KLHL7: variants seen among roughly 807,000 people sequenced by gnomAD.
KLHL7 encodes the protein kelch like family member 7, also known as kelch-like protein 7.
KLHL7 carries 44 observed loss-of-function variants against 67.4 expected under a neutral mutation model. The ratio of observed to expected loss-of-function variants is 0.65; its 90% CI spans 0.51 to 0.84. The LOEUF is 0.84. Ranked by LOEUF, KLHL7 falls within the 40% of genes least tolerant of loss-of-function variation. KLHL7 has a pLI of 0.00. For synonymous variants in KLHL7, 252 were observed against 243.3 expected (o/e 1.04, Z -0.33); for missense variants, 362 against 718.1 (o/e 0.50, Z 5.67).
At chr7:23,138,369 G>A (rs941744582) in intron 4 of KLHL7, among the ~76,000 whole-genome samples, 2 of 149,678 alleles carry the variant, frequency 1.3e-5, no homozygotes, top group African/African-American at 4.9e-5. Context: ...GGCTGAGGTA[G>A]GGAATTACTT....
At chr7:23,151,593 A>C (rs1784538759) in intron 6 of KLHL7, among the ~76,000 whole-genome samples, 1 of 152,220 alleles carries the variant, frequency 6.6e-6, no homozygotes, top group Non-Finnish European at 1.5e-5. Context: ...TCTTTGAACC[A>C]CATTTTAAGT....
chr7:23,144,239 A>C (rs1444466410), intron 6 of KLHL7, among the ~76,000 whole-genome samples: 1 of 152,238 alleles, frequency 6.6e-6, no homozygotes, highest in African/African-American at 2.4e-5. Context: ...TAGAAGGTAC[A>C]AATTACTTAT....
chr7:23,147,094 C>CTTTTTTTTTTTTTTTTTTTTTTTTT lies in KLHL7; in HGVS notation c.793+3087_793+3088insTTTTTTTTTTTTTTTTTTTTTTTTT, dbSNP rs397889904. On this transcript the variant is annotated intron_variant, in intron 6 of 10. Coordinates refer to ENST00000339077, the MANE Select transcript of KLHL7 (RefSeq NM_001031710.3). ...TCTATGTATTACTTATTAACCTGGA[C>CTTTTTTTTTTTTTTTTTTTTTTTTT]TTTTTTTTTTTTTTTTTTAGACAGT... is the stretch of plus-strand genomic sequence containing the variant. 1.7e-5 allele frequency among the ~76,000 whole-genome samples: 2 copies of CTTTTTTTTTTTTTTTTTTTTTTTTT among 118,580 alleles called. 1 individual carries two copies. Among genetic ancestry groups the CTTTTTTTTTTTTTTTTTTTTTTTTT allele is most frequent in the Non-Finnish European group, 3.7e-5 (2 of 54,558 alleles). 77.8% of individuals were successfully genotyped at this position (118,580 alleles called of 152,430 possible). A position where few individuals can be genotyped will look rare whatever the true frequency, so the allele number is the denominator to read the frequency against.
At chr7:23,106,339 G>A in intron 1 of KLHL7, 193 bp downstream of exon 1, 1 of 1,435,930 alleles carries the variant, frequency 7.0e-7, no homozygotes, top group Non-Finnish European at 9.1e-7. Context: ...GAGCAAAAGT[G>A]CTTCTCGTCT....
chr7:23,126,187 A>G, intron 4 of KLHL7: 1 of 359,086 alleles, frequency 2.8e-6, no homozygotes, highest in Non-Finnish European at 5.3e-6. Flanking sequence ...TAGGTTATAC[A>G]GCATGGATAT....
chr7:23,177,854 G>C lies in KLHL7; in HGVS notation c.*3556G>C, dbSNP rs1319148765. 6.6e-6 allele frequency: 1 copy of C among 152,040 alleles called. No individual in the cohort carries two copies. The highest frequency in any genetic ancestry group is 1.5e-5 in the Non-Finnish European group (1 of 68,002). The allele number at this position is 152,040 out of a possible 1,614,324, so 9.4% of individuals were successfully genotyped here. On this transcript the variant is annotated 3_prime_UTR_variant, in exon 11 of 11. Transcript: ENST00000339077. ...AAAATTTTAAGTCATGAATTATTTT[G>C]ACATGACAATATTGCTAACAAAATC...
intron 7 of KLHL7, among the ~76,000 whole-genome samples, chr7:23,162,819 C>T (rs1308486018): frequency 6.6e-6 from 1 of 152,106 alleles, no homozygotes; most frequent in Non-Finnish European, 1.5e-5. Context: ...GTAATTTAGT[C>T]ATCTTAAACT....
Position 23,168,042 on chromosome 7 carries a change from G to A in KLHL7, c.1379+5G>A. ...TTATGATCCTGCCACAGAAACGTATGTATCTATTTAAAATTTATTTTACAG... is the reference window on the plus strand; with the variant it reads ...TTATGATCCTGCCACAGAAACGTATATATCTATTTAAAATTTATTTTACAG... On this transcript the variant is annotated splice_donor_5th_base_variant and intron_variant, in intron 9 of 10. Transcript: ENST00000339077. The A allele has an allele frequency of 6.2e-7, 1 of 1,611,766 alleles. No homozygotes were observed. Among genetic ancestry groups the A allele is most frequent in the Middle Eastern group, 1.7e-4 (1 of 6,034 alleles).
chr7:23,172,661 C>G (rs1312199516), intron 9 of KLHL7: 2 of 274,148 alleles, frequency 7.3e-6, no homozygotes, highest in Non-Finnish European at 1.4e-5. Flanking sequence ...TTTTATGAAC[C>G]TCAGGAAATG....
At chr7:23,152,278 A>C in intron 7 of KLHL7, 69 bp downstream of exon 7, 1 of 1,418,530 alleles carries the variant, frequency 7.0e-7, no homozygotes, top group African/African-American at 1.4e-5. Context: ...ACACTCACCA[A>C]CTAGAAGTAG....
At chr7:23,173,492 C>T (rs1473582876) in intron 10 of KLHL7, among the ~76,000 whole-genome samples, 1 of 152,108 alleles carries the variant, frequency 6.6e-6, no homozygotes, top group Non-Finnish European at 1.5e-5. Flanking sequence ...CTAAATTTGG[C>T]ATTTTGTTTT....
chr7:23,124,822 G>T, intron 3 of KLHL7, 41 bp downstream of exon 3: 1 of 1,325,520 alleles, frequency 7.5e-7, no homozygotes, highest in Non-Finnish European at 1.1e-6. Context: ...AGTAATGTTG[G>T]TATCTACCAT....
chr7:23,155,398 C>T lies in KLHL7; in HGVS notation c.936+3189C>T, dbSNP rs1298410203. Among the ~76,000 whole-genome samples the T allele has an allele frequency of 2.0e-5, 3 of 152,072 alleles. No individual in the cohort carries two copies. In the East Asian group the frequency reaches 5.8e-4, roughly 29 times the overall value. On this transcript the variant is annotated intron_variant, in intron 7 of 10. Coordinates refer to ENST00000339077, the MANE Select transcript of KLHL7 (RefSeq NM_001031710.3). Reference sequence around the variant, plus strand: ...TAATTCTAGGCCAGGCACGGTGGCTCACACCTGTAATCCCAGTACTTTGGG... The same window carrying T: ...TAATTCTAGGCCAGGCACGGTGGCTTACACCTGTAATCCCAGTACTTTGGG...
At chr7:23,145,916 A>G (rs1784341213) in intron 6 of KLHL7, among the ~76,000 whole-genome samples, 1 of 151,958 alleles carries the variant, frequency 6.6e-6, no homozygotes, top group Non-Finnish European at 1.5e-5. Context: ...TTTTTTTGTC[A>G]AGATGATGTC....
chr7:23,108,497 C>T (rs1782737561), intron 1 of KLHL7, among the ~76,000 whole-genome samples: 1 of 152,148 alleles, frequency 6.6e-6, no homozygotes, highest in Non-Finnish European at 1.5e-5. Context: ...AGTGCACATC[C>T]CACCAACAAG....
intron 4 of KLHL7, among the ~76,000 whole-genome samples, chr7:23,130,488 A>G (rs1214428478): frequency 2.0e-5 from 3 of 152,182 alleles, no homozygotes; most frequent in African/African-American, 7.2e-5. Flanking sequence ...TCAATTTGCT[A>G]TACAATTATC....
intron 8 of KLHL7, among the ~76,000 whole-genome samples, chr7:23,167,052 G>A (rs555117637): frequency 2.2e-4 from 33 of 151,652 alleles, no homozygotes; most frequent in Middle Eastern, 6.8e-3. Context: ...AGGTGTTGTC[G>A]TTTTTAAATC....
chr7:23,154,369 A>AACAG (rs1784633802), intron 7 of KLHL7, among the ~76,000 whole-genome samples: 1 of 151,180 alleles, frequency 6.6e-6, no homozygotes, highest in Non-Finnish European at 1.5e-5. Flanking sequence ...CAAACAAACA[A>AACAG]ACAAAAAAAG....
At chr7:23,162,108 A>G (rs1784870325) in intron 7 of KLHL7, among the ~76,000 whole-genome samples, 1 of 152,242 alleles carries the variant, frequency 6.6e-6, no homozygotes. Context: ...AGAGGAACCC[A>G]GATCACTCTA....
Sources: allele counts gnomAD v4.1 joint callset (sites outside exome capture counted in the v4.1 genomes callset), GRCh38; gene constraint gnomAD v4.1.1; transcripts MANE v1.5; gene names NCBI Gene and HGNC (gene_info 2026-07-23, HGNC 2026-07-21).